Variants in LOC400499 observed in about 807,000 individuals in gnomAD.
At chr16:11,460,792 A>C in the LOC400499 span, among the ~76,000 whole-genome samples, 1 of 152,232 alleles carries the variant, frequency 6.6e-6, no homozygotes, top group Admixed American at 6.5e-5. Flanking sequence ...ATGTCTCCTC[A>C]ACAGACACAC....
chr16:11,415,075 T>G, the LOC400499 span, among the ~76,000 whole-genome samples: 1 of 152,124 alleles, frequency 6.6e-6, no homozygotes, highest in Non-Finnish European at 1.5e-5. Context: ...AGGGGTAGCC[T>G]GCAGAGGAAT....
chr16:11,516,047 C>T, the LOC400499 span: 10 of 399,360 alleles, frequency 2.5e-5, no homozygotes, highest in East Asian at 3.6e-5. Flanking sequence ...GGTAGGACAT[C>T]GGCCCAGGAT....
chr16:11,494,441 A>C, the LOC400499 span: 8 of 384,492 alleles, frequency 2.1e-5, no homozygotes, highest in Non-Finnish European at 2.3e-5. Flanking sequence ...GAAGTGGGGA[A>C]GGGGGAATGA....
At chr16:11,423,172 C>G in the LOC400499 span, 1 of 399,368 alleles carries the variant, frequency 2.5e-6, no homozygotes, top group Non-Finnish European at 4.4e-6. Flanking sequence ...GGACAGAGAC[C>G]CCATACCTCG....
the LOC400499 span, among the ~76,000 whole-genome samples, chr16:11,504,116 T>G: frequency 6.6e-6 from 1 of 152,178 alleles, no homozygotes; most frequent in Non-Finnish European, 1.5e-5. Flanking sequence ...AGAATGCGCC[T>G]TTCAGATCCA....
At chr16:11,472,249 G>C in the LOC400499 span, 1 of 152,078 alleles carries the variant, frequency 6.6e-6, no homozygotes, top group Non-Finnish European at 1.5e-5. Flanking sequence ...CTGGAGTACA[G>C]TGGCACAATC....
the LOC400499 span, among the ~76,000 whole-genome samples, chr16:11,501,721 G>A: frequency 1.3e-5 from 2 of 152,002 alleles, no homozygotes; most frequent in African/African-American, 4.8e-5. Flanking sequence ...GCACCCCCCA[G>A]CCCAGACTCT....
At chr16:11,395,671 C>T in the LOC400499 span, among the ~76,000 whole-genome samples, 5 of 152,212 alleles carry the variant, frequency 3.3e-5, no homozygotes, top group Admixed American at 3.3e-4. Flanking sequence ...TTGCTCCTAA[C>T]CATTCTGCAA....
At chr16:11,442,572 G>A in the LOC400499 span, 3 of 152,104 alleles carry the variant, frequency 2.0e-5, no homozygotes, top group Admixed American at 6.6e-5. Context: ...GAAACTAAAC[G>A]ACTGCCATTT....
the LOC400499 span, among the ~76,000 whole-genome samples, chr16:11,501,133 G>C: frequency 6.6e-6 from 1 of 152,066 alleles, no homozygotes; most frequent in African/African-American, 2.4e-5. Flanking sequence ...GTCTGGCTGA[G>C]GCCCGTGCTC....
the LOC400499 span, among the ~76,000 whole-genome samples, chr16:11,413,975 G>A: frequency 6.6e-6 from 1 of 152,142 alleles, no homozygotes; most frequent in Non-Finnish European, 1.5e-5. Context: ...CCTTTCTCTG[G>A]AGCCTGAGGA....
the LOC400499 span, chr16:11,460,422 C>A: frequency 6.8e-7 from 1 of 1,472,352 alleles, no homozygotes; most frequent in Non-Finnish European, 9.0e-7. Context: ...CTCAGATCAC[C>A]ACTTGCCTGA....
the LOC400499 span, chr16:11,460,058 G>A: frequency 7.1e-7 from 1 of 1,409,004 alleles, no homozygotes; most frequent in Non-Finnish European, 9.3e-7. Flanking sequence ...GCTGGACCTG[G>A]GACACACATG....
the LOC400499 span, among the ~76,000 whole-genome samples, chr16:11,513,079 T>C: frequency 6.6e-6 from 1 of 152,208 alleles, no homozygotes; most frequent in South Asian, 2.1e-4. Flanking sequence ...TTTGACCTCT[T>C]TGAGCCACAG....
At chr16:11,404,286 C>A in the LOC400499 span, among the ~76,000 whole-genome samples, 2 of 152,146 alleles carry the variant, frequency 1.3e-5, no homozygotes, top group African/African-American at 2.4e-5. Context: ...AGGGGTGACA[C>A]CTGGGCCATC....
At chr16:11,468,234 G>C in the LOC400499 span, among the ~76,000 whole-genome samples, 2 of 152,228 alleles carry the variant, frequency 1.3e-5, no homozygotes, top group African/African-American at 2.4e-5. Flanking sequence ...TCTGGGAAAT[G>C]AACACAGATT....
At chr16:11,464,138 A>G in the LOC400499 span, among the ~76,000 whole-genome samples, 1 of 144,684 alleles carries the variant, frequency 6.9e-6, no homozygotes, top group African/African-American at 2.6e-5. Context: ...GTAAATATGG[A>G]CGTGTGTATG....
chr16:11,396,597 G>C, the LOC400499 span: 1 of 1,232,154 alleles, frequency 8.1e-7, no homozygotes, highest in South Asian at 4.1e-5. Context: ...TCTGGGTCTG[G>C]TGCAAGGCCC....
At chr16:11,383,148 C>T in the LOC400499 span, among the ~76,000 whole-genome samples, 2 of 151,908 alleles carry the variant, frequency 1.3e-5, no homozygotes, top group African/African-American at 4.8e-5. Flanking sequence ...TCACTGCAAG[C>T]TCTGCCTCCT....
Sources: gnomAD v4.1 joint callset for allele counts (sites outside exome capture counted in the v4.1 genomes callset) on GRCh38, gnomAD v4.1.1 for gene constraint, MANE v1.5 for transcripts.